Variants in UBE2D2 observed in about 807,000 individuals in gnomAD.
UBE2D2 encodes ubiquitin-conjugating enzyme E2 D2.
A neutral mutation model predicts 24.2 loss-of-function variants in UBE2D2; 2 were observed. The observed-to-expected ratio is 0.08, with a 90% CI of 0.03 to 0.26. The LOEUF (loss-of-function observed/expected upper bound fraction) is 0.26. Ranked by LOEUF, UBE2D2 falls within the 10% of genes least tolerant of loss-of-function variation. UBE2D2 has a pLI of 1.00. For missense variants in UBE2D2, 44 were observed against 177.6 expected (o/e 0.25, Z 4.28); for synonymous variants, 58 against 56.5 (o/e 1.03, Z -0.12).
chr5:139,562,011 A>G lies in UBE2D2; in HGVS notation c.24+196A>G, dbSNP rs536707011. ...GGCGCGCAGCCCGCGCTTAGGCCGG[A>G]GGTGCTCTCGCGGCCTCAGCGTTCC... On this transcript the variant is annotated intron_variant, in intron 1 of 6. Transcript: ENST00000398733. 247 of 889,686 alleles carry G rather than the reference A, an allele frequency of 2.8e-4. 1 individual carries two copies. In the African/African-American group the frequency reaches 3.2e-3, roughly 12 times the overall value. 55.1% of individuals were successfully genotyped at this position (889,686 alleles called of 1,614,324 possible).
intron 1 of UBE2D2, among the ~76,000 whole-genome samples, chr5:139,533,849 A>G (rs1752628987): frequency 6.8e-6 from 1 of 147,800 alleles, no homozygotes; most frequent in Non-Finnish European, 1.5e-5. Flanking sequence ...GTGGCAGGAT[A>G]TTGGCTCACA....
intron 1 of UBE2D2, among the ~76,000 whole-genome samples, chr5:139,581,648 A>G (rs1041096663): frequency 1.3e-5 from 2 of 152,192 alleles, no homozygotes; most frequent in East Asian, 1.9e-4. Flanking sequence ...GAGCCTGAAC[A>G]TAATTTTATG....
intron 1 of UBE2D2, among the ~76,000 whole-genome samples, chr5:139,581,582 C>A (rs529434185): frequency 6.6e-6 from 1 of 151,664 alleles, no homozygotes; most frequent in Non-Finnish European, 1.5e-5. Context: ...GGGATGGGAC[C>A]CAAGTCTAAA....
At chr5:139,616,979 C>T (rs556080511) in intron 5 of UBE2D2, among the ~76,000 whole-genome samples, 1 of 152,156 alleles carries the variant, frequency 6.6e-6, no homozygotes, top group Non-Finnish European at 1.5e-5. Context: ...ACCAGGAGTT[C>T]GAGACCAGCT....
intron 1 of UBE2D2, among the ~76,000 whole-genome samples, chr5:139,589,793 G>GT (rs1286163297): frequency 4.2e-4 from 63 of 150,596 alleles, no homozygotes; most frequent in African/African-American, 6.6e-4. Flanking sequence ...TTGGTACTTT[G>GT]TTTTTTTTTG....
At chr5:139,575,900 C>T (rs1476326110) in intron 1 of UBE2D2, among the ~76,000 whole-genome samples, 1 of 152,150 alleles carries the variant, frequency 6.6e-6, no homozygotes, top group Non-Finnish European at 1.5e-5. Flanking sequence ...CGCCTGTAGT[C>T]ATAGCTACTG....
At chr5:139,608,558 C>T (rs1452219423) in intron 2 of UBE2D2, among the ~76,000 whole-genome samples, 1 of 152,014 alleles carries the variant, frequency 6.6e-6, no homozygotes, top group African/African-American at 2.4e-5. Flanking sequence ...AGTTTGAGAC[C>T]AGCCTGGGCA....
intron 1 of UBE2D2, among the ~76,000 whole-genome samples, chr5:139,582,666 ATTTTTTT>A (rs1195507116): frequency 1.8e-5 from 2 of 112,328 alleles, no homozygotes; most frequent in East Asian, 2.3e-4. Context: ...TTAGATTCGA[ATTTTTTT>A]TTTTTTTTTT....
chr5:139,601,423 GT>G (rs1249923024), intron 2 of UBE2D2, among the ~76,000 whole-genome samples: 1 of 152,188 alleles, frequency 6.6e-6, no homozygotes, highest in Non-Finnish European at 1.5e-5. Context: ...GGTCAACATG[GT>G]GAAGCCCTGT....
intron 2 of UBE2D2, among the ~76,000 whole-genome samples, chr5:139,607,031 C>T (rs751189571): frequency 1.2e-4 from 19 of 152,160 alleles, no homozygotes; most frequent in Non-Finnish European, 2.4e-4. Flanking sequence ...GTCTTGAACT[C>T]CTGACCTCGT....
At chr5:139,608,450 A>AGGGTATTCT (rs1218497045) in intron 2 of UBE2D2, among the ~76,000 whole-genome samples, 3 of 151,972 alleles carry the variant, frequency 2.0e-5, no homozygotes, top group African/African-American at 7.3e-5. Context: ...AAAAAAAAGA[A>AGGGTATTCT]GGGTATTCTG....
At chr5:139,547,873 T>G (rs939375370) in intron 1 of UBE2D2, among the ~76,000 whole-genome samples, 4 of 151,886 alleles carry the variant, frequency 2.6e-5, no homozygotes, top group Admixed American at 6.6e-5. Flanking sequence ...TTTTGTATTT[T>G]TAGTAAAGAC....
At chr5:139,592,596 C>CTTTTT (rs34558950) in intron 1 of UBE2D2, among the ~76,000 whole-genome samples, 2 of 104,904 alleles carry the variant, frequency 1.9e-5, no homozygotes, top group Non-Finnish European at 1.9e-5. Context: ...GTTCAGTAAT[C>CTTTTT]TTTTTTTTTT....
intron 1 of UBE2D2, among the ~76,000 whole-genome samples, chr5:139,542,621 T>C (rs1300977913): frequency 6.6e-6 from 1 of 152,026 alleles, no homozygotes; most frequent in Admixed American, 6.6e-5. Flanking sequence ...ACGCCTGGCA[T>C]GGCATGACAT....
chr5:139,546,249 G>A (rs1285984981), intron 1 of UBE2D2, among the ~76,000 whole-genome samples: 10 of 151,770 alleles, frequency 6.6e-5, no homozygotes, highest in Non-Finnish European at 1.2e-4. Context: ...TCACCATGTT[G>A]GCCAGGCTGG....
intron 1 of UBE2D2, 109 bp downstream of exon 1, chr5:139,561,924 G>T: frequency 7.2e-7 from 1 of 1,396,244 alleles, no homozygotes; most frequent in Non-Finnish European, 9.4e-7. Context: ...CTTGCTGCCG[G>T]TGCTGGCCCC....
chr5:139,568,145 A>G (rs893082172), intron 1 of UBE2D2, among the ~76,000 whole-genome samples: 2 of 151,648 alleles, frequency 1.3e-5, no homozygotes, highest in Non-Finnish European at 2.9e-5. Context: ...GGAGTTCGAG[A>G]CCAGCCTGCC....
intron 1 of UBE2D2, among the ~76,000 whole-genome samples, chr5:139,598,762 A>G (rs530467943): frequency 6.6e-5 from 10 of 151,252 alleles, no homozygotes; most frequent in East Asian, 1.9e-4. Flanking sequence ...GGGTCTTGCT[A>G]TGTTGGCCAG....
intron 1 of UBE2D2, among the ~76,000 whole-genome samples, chr5:139,535,648 C>T (rs2126629098): frequency 6.6e-6 from 1 of 152,074 alleles, no homozygotes; most frequent in Non-Finnish European, 1.5e-5. Flanking sequence ...CAAAAGTTCT[C>T]TAATAGAGAA....
Sources: allele counts gnomAD v4.1 joint callset (sites outside exome capture counted in the v4.1 genomes callset), GRCh38; gene constraint gnomAD v4.1.1; transcripts MANE v1.5; gene names NCBI Gene and HGNC (gene_info 2026-07-23, HGNC 2026-07-21).